Variants in ADCY3 observed in about 807,000 individuals in gnomAD.
The protein encoded by ADCY3 is adenylate cyclase 3, also known as adenylate cyclase type 3.
Under a neutral mutation model 119.4 loss-of-function variants are expected in ADCY3, and 70 were observed. That is an observed-to-expected ratio of 0.59 (90% CI 0.48 to 0.72). The LOEUF is 0.72. Ranked by LOEUF, ADCY3 falls within the 30% of genes least tolerant of loss-of-function variation. The pLI is 0.00. For synonymous variants in ADCY3, 672 were observed against 621.4 expected, an observed-to-expected ratio of 1.08 and a Z score of -1.21; for missense variants, 1,238 against 1,541.6, an observed-to-expected ratio of 0.80 and a Z score of 3.30.
chr2:24,841,229 G>A lies in ADCY3; in HGVS notation c.1196+30C>T. 1.3e-6 allele frequency: 2 copies of A among 1,536,192 alleles called. No homozygotes were observed. Among genetic ancestry groups the A allele is most frequent in the Non-Finnish European group, 1.8e-6 (2 of 1,139,282 alleles). On this transcript the variant is annotated intron_variant, in intron 6 of 21. Transcript: ENST00000679454. The surrounding 1 kb of genome is among the most constrained non-coding windows in gnomAD (Gnocchi z 5.8). ...TCCAGGGCCGGGGCCCTTGCTCTGG[G>A]AGCCTCCCTCCCAGAGGCATCCCAC...
chr2:24,904,454 G>A (rs187282192), intron 2 of ADCY3, among the ~76,000 whole-genome samples: 8 of 152,148 alleles, frequency 5.3e-5, no homozygotes, highest in Admixed American at 2.6e-4. Context: ...CCGGGAGGCA[G>A]AGGCTGCAGT....
chr2:24,834,357 T>A lies in ADCY3; in HGVS notation c.1967+128A>T, dbSNP rs1378492806. On this transcript the variant is annotated intron_variant, in intron 11 of 21. Transcript: ENST00000679454. The surrounding 1 kb of genome is among the most constrained non-coding windows in gnomAD (Gnocchi z 4.2). Reference sequence around the variant, plus strand: ...CTGGGGCCTGTGGGGGCCGTCCCAGTGGGGGTCAGGGAGCAGAGACTGGCT... The same window carrying A: ...CTGGGGCCTGTGGGGGCCGTCCCAGAGGGGGTCAGGGAGCAGAGACTGGCT... The A allele has an allele frequency of 8.5e-7, 1 of 1,182,070 alleles. No homozygotes were observed. The highest frequency in any genetic ancestry group is 1.2e-6 in the Non-Finnish European group (1 of 858,466). 73.2% of individuals were successfully genotyped at this position (1,182,070 alleles called of 1,614,324 possible).
intron 3 of ADCY3, among the ~76,000 whole-genome samples, chr2:24,862,006 C>T (rs1017634104): frequency 1.6e-4 from 24 of 152,190 alleles, no homozygotes; most frequent in African/African-American, 5.8e-4. Flanking sequence ...GGTAAAGTAC[C>T]AACACCACAC....
At chr2:24,850,444 C>T (rs184692647) in intron 3 of ADCY3, among the ~76,000 whole-genome samples, 2 of 152,274 alleles carry the variant, frequency 1.3e-5, no homozygotes, top group African/African-American at 4.8e-5. Flanking sequence ...GCAAATGGGT[C>T]CCACAGTGGG....
intron 3 of ADCY3, among the ~76,000 whole-genome samples, chr2:24,869,371 G>C (rs1674692668): frequency 6.6e-6 from 1 of 151,952 alleles, no homozygotes; most frequent in African/African-American, 2.4e-5. Flanking sequence ...AACACTCCAG[G>C]CCTATAGGAC....
intron 18 of ADCY3, among the ~76,000 whole-genome samples, chr2:24,822,926 G>A (rs1340546559): frequency 6.6e-6 from 1 of 152,172 alleles, no homozygotes; most frequent in Non-Finnish European, 1.5e-5. Context: ...ATGCTGACCG[G>A]CTCTGAATTT....
At chr2:24,869,615 AGG>A (rs1222567120) in intron 3 of ADCY3, among the ~76,000 whole-genome samples, 1 of 152,110 alleles carries the variant, frequency 6.6e-6, no homozygotes, top group Non-Finnish European at 1.5e-5. Flanking sequence ...TTTGTTGCTC[AGG>A]CTGGTCTTGA....
chr2:24,822,635 G>A lies in ADCY3; in HGVS notation c.2884-5C>T, dbSNP rs753316883. 1.2e-6 allele frequency: 2 copies of A among 1,613,552 alleles called. No homozygotes were observed. Among genetic ancestry groups the A allele is most frequent in the South Asian group, 2.2e-5 (2 of 91,054 alleles). ...GAACTTGGGATTGTCCAGGAGCTGA[G>A]GCCAGGATTCAGGAAAGAATTGTCA... On this transcript the variant is annotated splice_polypyrimidine_tract_variant and splice_region_variant and intron_variant, in intron 18 of 21. Coordinates refer to ENST00000679454, the MANE Select transcript of ADCY3 (RefSeq NM_004036.5).
intron 3 of ADCY3, among the ~76,000 whole-genome samples, chr2:24,856,541 A>C (rs371758789): frequency 6.6e-6 from 1 of 152,208 alleles, no homozygotes; most frequent in East Asian, 1.9e-4. Context: ...TGTGGGAGGC[A>C]GGGAATGGAG....
intron 2 of ADCY3, among the ~76,000 whole-genome samples, chr2:24,879,838 C>T (rs548818282): frequency 5.3e-5 from 8 of 152,248 alleles, no homozygotes; most frequent in Admixed American, 5.2e-4. Flanking sequence ...GGGCTACAGC[C>T]GCGGCACAGG....
intron 20 of ADCY3, 140 bp from the exon 21 acceptor site, chr2:24,820,988 A>C (rs1292426850): frequency 1.6e-6 from 2 of 1,252,422 alleles, no homozygotes. Context: ...GCTGTATGCT[A>C]TTGGAGGGTG....
In ADCY3 at chr2:24,852,415, C is replaced by T. The variant is rs577316005; in HGVS notation, c.826-10031G>A. 7.9e-5 allele frequency among the ~76,000 whole-genome samples: 12 copies of T among 152,274 alleles called. No individual in the cohort carries two copies. In the South Asian group the frequency reaches 1.2e-3, roughly 16 times the overall value. On this transcript the variant is annotated intron_variant, in intron 3 of 21. Transcript: ENST00000679454. ...CCCACATTAAGCAGAGAAGAGGGAG[C>T]GGAGGAGGAGAGTGCTGCCTCCATG...
chr2:24,822,353 A>C, intron 19 of ADCY3, 158 bp downstream of exon 19: 1 of 1,094,362 alleles, frequency 9.1e-7, no homozygotes, highest in Non-Finnish European at 1.3e-6. Flanking sequence ...GAACTTTCTC[A>C]ATAAACCCTA....
Position 24,819,893 on chromosome 2 carries a change from T to C in ADCY3, c.*39A>G. 1 of 1,595,130 alleles carries C rather than the reference T, an allele frequency of 6.3e-7. No homozygotes were observed. Among genetic ancestry groups the C allele is most frequent in the Non-Finnish European group, 8.5e-7 (1 of 1,170,102 alleles). On this transcript the variant is annotated 3_prime_UTR_variant, in exon 22 of 22. Coordinates refer to ENST00000679454, the MANE Select transcript of ADCY3 (RefSeq NM_004036.5). ...CTTCCTTCAGTTTCAAAAAATAAAT[T>C]CTCCCTTCCGGTTTGGACTGTTGCA... is the stretch of plus-strand genomic sequence containing the variant.
In ADCY3 at chr2:24,862,718, GA is replaced by G. The variant is rs200372999; in HGVS notation, c.825+9851del. ...GGTTTCATTTTAGCTCTATAAAAAA[GA>G]AAAAAAAATGAAGCAAACCTGAGTT... On this transcript the variant is annotated intron_variant, in intron 3 of 21. Coordinates refer to ENST00000679454, the MANE Select transcript of ADCY3 (RefSeq NM_004036.5). Among the ~76,000 whole-genome samples the G allele has an allele frequency of 4.0e-5, 6 of 149,306 alleles. No homozygotes were observed. In the East Asian group the frequency reaches 5.9e-4, roughly 15 times the overall value.
At chr2:24,827,837 G>GA (rs1337257892) in intron 14 of ADCY3, 65 bp downstream of exon 14, 1 of 1,600,214 alleles carries the variant, frequency 6.2e-7, no homozygotes, top group African/African-American at 1.3e-5. Context: ...CCATGAGCTT[G>GA]AACTGAGGAC....
chr2:24,906,278 G>A (rs1679434509), intron 2 of ADCY3, among the ~76,000 whole-genome samples: 1 of 145,254 alleles, frequency 6.9e-6, no homozygotes, highest in Admixed American at 6.8e-5. Context: ...CTGCACTCCA[G>A]CCTAGGCGAG....
At chr2:24,840,551 G>A (rs1340974703) in intron 6 of ADCY3, 2 of 468,004 alleles carry the variant, frequency 4.3e-6, no homozygotes, top group South Asian at 1.6e-5. Context: ...ATGCAAAGCC[G>A]CCCCCTCGGA....
At chr2:24,879,774 C>T (rs1176734938) in intron 2 of ADCY3, among the ~76,000 whole-genome samples, 1 of 152,160 alleles carries the variant, frequency 6.6e-6, no homozygotes, top group Non-Finnish European at 1.5e-5. Context: ...GCCAGGGCTC[C>T]CCTCCCTCAA....
Sources: allele counts gnomAD v4.1 joint callset (sites outside exome capture counted in the v4.1 genomes callset), GRCh38; gene constraint gnomAD v4.1.1; non-coding constraint Gnocchi (gnomAD v3.1); transcripts MANE v1.5; gene names NCBI Gene and HGNC (gene_info 2026-07-23, HGNC 2026-07-21).